ABCA13: variants seen among roughly 807,000 people sequenced by gnomAD.
ABCA13 encodes ATP-binding cassette sub-family A member 13.
ABCA13 carries 476 observed loss-of-function variants against 478.7 expected under a neutral mutation model. The ratio of observed to expected loss-of-function variants is 0.99; its 90% CI spans 0.92 to 1.07. ABCA13 has a LOEUF of 1.07. Among genes scored for constraint, ABCA13 ranks in the 50% least tolerant of loss-of-function variants. The pLI is 0.00. For synonymous variants in ABCA13, 2,252 were observed against 2,158.9 expected (o/e 1.04, Z -1.20); for missense variants, 6,060 against 5,910.6 (o/e 1.03, Z -0.83).
chr7:48,276,403 A>C lies in ABCA13; in HGVS notation c.6737A>C (p.Gln2246Pro). 1 of 1,558,954 alleles carries C rather than the reference A, an allele frequency of 6.4e-7. No individual in the cohort carries two copies. Among genetic ancestry groups the C allele is most frequent in the Non-Finnish European group, 8.7e-7 (1 of 1,154,264 alleles). The change falls in exon 17 of 62, where the codon CAG (glutamine) becomes CCG (proline). Residue 2246 changes from glutamine (Q) to proline (P), a missense_variant. This residue lies in a region of ABCA13 where 4,423 missense variants were observed against 4,309.1 expected (regional missense o/e 1.03). Transcript: ENST00000435803. ...NFINLILNHM[Q>P]SETSRKTVLS... ...ATTAACCTTATCTTGAACCATATGC[A>C]GTCAGAAACTAGTAGGAAAACAGTT...
chr7:48,273,007 C>T lies in ABCA13; in HGVS notation c.3341C>T (p.Thr1114Ile), dbSNP rs765406203. 3.7e-6 allele frequency: 6 copies of T among 1,613,606 alleles called. No homozygotes were observed. The Admixed American group carries it at 8.3e-5, about 22-fold the overall frequency. Residue 1114 changes from threonine (T) to isoleucine (I), a missense_variant, in exon 17 of 62, where the codon ACA (threonine) becomes ATA (isoleucine). Physicochemically the swap from Thr to Ile is moderately conservative, Grantham distance 89 (BLOSUM62 -1). Around this residue, in one of 3 missense-constraint regions of ABCA13, gnomAD observed 4,423 missense variants for 4,309.1 expected, o/e 1.03. Coordinates refer to ENST00000435803, the MANE Select transcript of ABCA13 (RefSeq NM_152701.5). ...CACATTTCTTCCGTAAATTATTCAA[C>T]AAGTGAGGAGTCTTCATTTGTTTTT... ...NKHISSVNYSTSEESSFVFPL... is the reference protein window; with the variant it reads ...NKHISSVNYSISEESSFVFPL...
chr7:48,231,914 G>A lies in ABCA13; in HGVS notation c.763+1959G>A, dbSNP rs908738430. Among the ~76,000 whole-genome samples, 5 of 151,950 alleles carry A rather than the reference G, an allele frequency of 3.3e-5. No homozygotes were observed. In the South Asian group the frequency reaches 6.2e-4, roughly 19 times the overall value. On this transcript the variant is annotated intron_variant, in intron 7 of 61. Coordinates refer to ENST00000435803, the MANE Select transcript of ABCA13 (RefSeq NM_152701.5). ...TGACCTCAGGTGATCTGCCCTCCTC[G>A]GCCTCCCAAAGTGCTGGGATTACAG...
Position 48,279,169 on chromosome 7 carries a change from T to A in ABCA13, c.7975T>A (p.Phe2659Ile), listed in dbSNP as rs912980835. 11 of 1,601,966 alleles carry A rather than the reference T, an allele frequency of 6.9e-6. No homozygotes were observed. Among genetic ancestry groups the A allele is most frequent in the Non-Finnish European group, 9.4e-6 (11 of 1,174,330 alleles). The part of the protein sequence containing the change: ...LEDMRSLAVA[F>I]NNETQTFSMD... Reference sequence around the variant, plus strand: ...AGATATGAGGAGTCTTGCGGTAGCATTTAACAATGAGACTCAAACATTTTC... The same window carrying A: ...AGATATGAGGAGTCTTGCGGTAGCAATTAACAATGAGACTCAAACATTTTC... Residue 2659 changes from phenylalanine (F) to isoleucine (I), a missense_variant, in exon 18 of 62, where the codon TTT (phenylalanine) becomes ATT (isoleucine). By Grantham distance (21) the Phe-to-Ile change is conservative. Coordinates refer to ENST00000435803, the MANE Select transcript of ABCA13 (RefSeq NM_152701.5).
In ABCA13 at chr7:48,466,947, G is replaced by T; in HGVS notation, c.12816-9G>T. On this transcript the variant is annotated splice_polypyrimidine_tract_variant and intron_variant, in intron 43 of 61. Transcript: ENST00000435803. Reference sequence around the variant, plus strand: ...CACTTTGTTTCCTTTGTCTCACAATGAACAGCAGCAGTGGGGGCGACAACT... The same window carrying T: ...CACTTTGTTTCCTTTGTCTCACAATTAACAGCAGCAGTGGGGGCGACAACT... The T allele has an allele frequency of 6.2e-7, 1 of 1,613,830 alleles. No homozygotes were observed. The highest frequency in any genetic ancestry group is 8.5e-7 in the Non-Finnish European group (1 of 1,179,776).
intron 15 of ABCA13, 78 bp from the exon 16 acceptor site, chr7:48,268,902 C>T: frequency 2.4e-6 from 1 of 412,934 alleles, no homozygotes; most frequent in Non-Finnish European, 4.5e-6. Context: ...AGGTGAACTA[C>T]TCTAGCATTT....
chr7:48,528,302 G>C lies in ABCA13; in HGVS notation c.14311G>C (p.Val4771Leu), dbSNP rs1337853864. ...STTFKMLNGE[V>L]SLTSGHAIIR... ...GACTTTCAAAATGCTGAATGGTGAA[G>C]TTTCTCTAACTTCAGGACATGCTAT... Residue 4771 changes from valine (V) to leucine (L), a missense_variant, in exon 55 of 62, where the codon GTT becomes CTT. This residue lies in a region of ABCA13 where 1,627 missense variants were observed against 1,571.0 expected (regional missense o/e 1.04). Transcript: ENST00000435803. 1.3e-6 allele frequency: 2 copies of C among 1,575,880 alleles called. No homozygotes were observed. The highest frequency in any genetic ancestry group is 2.7e-5 in the African/African-American group (2 of 74,370).
At chr7:48,209,769 G>C (rs1034142519) in intron 3 of ABCA13, among the ~76,000 whole-genome samples, 1 of 152,084 alleles carries the variant, frequency 6.6e-6, no homozygotes, top group Admixed American at 6.6e-5. Context: ...TCGATGTATT[G>C]ATATATAGTT....
chr7:48,377,332 T>C (rs1813656359), intron 35 of ABCA13, among the ~76,000 whole-genome samples: 1 of 152,240 alleles, frequency 6.6e-6, no homozygotes, highest in Non-Finnish European at 1.5e-5. Flanking sequence ...ATTTTATTTT[T>C]TAGAGATAAC....
chr7:48,374,069 T>A (rs930567002), intron 33 of ABCA13, among the ~76,000 whole-genome samples: 7 of 152,250 alleles, frequency 4.6e-5, no homozygotes, highest in Non-Finnish European at 8.8e-5. Context: ...CATTTCTGTG[T>A]ATGATACATT....
intron 27 of ABCA13, among the ~76,000 whole-genome samples, chr7:48,334,087 A>G (rs945820369): frequency 5.9e-5 from 9 of 152,074 alleles, no homozygotes; most frequent in Non-Finnish European, 1.2e-4. Flanking sequence ...AATGTTAGAA[A>G]TGTGAGGTAT....
rs556295296 is a variant in ABCA13 at position 48,446,700 on chromosome 7, G to C, written c.12566-8337G>C. Among the ~76,000 whole-genome samples the C allele has an allele frequency of 4.4e-5, 6 of 137,168 alleles. No individual in the cohort carries two copies. The East Asian group carries it at 1.4e-3, about 32-fold the overall frequency. 90.0% of individuals were successfully genotyped at this position (137,168 alleles called of 152,430 possible). A position where few individuals can be genotyped will look rare whatever the true frequency, so the allele number is the denominator to read the frequency against. On this transcript the variant is annotated intron_variant, in intron 42 of 61. Transcript: ENST00000435803. ...GAGGGCTGTTCCAAATTTTTTGGGT[G>C]TCTCCAGGCTTAACCATGATGCTAA...
chr7:48,568,857 T>C (rs1028692017), intron 55 of ABCA13, among the ~76,000 whole-genome samples: 1 of 151,982 alleles, frequency 6.6e-6, no homozygotes, highest in Admixed American at 6.6e-5. Flanking sequence ...TTGGTCACTT[T>C]CAGTATTTTC....
In ABCA13 at chr7:48,528,243, G is replaced by A; in HGVS notation, c.14252G>A (p.Gly4751Glu). 6.4e-7 allele frequency: 1 copy of A among 1,572,198 alleles called. No individual in the cohort carries two copies. Among genetic ancestry groups the A allele is most frequent in the Non-Finnish European group, 8.6e-7 (1 of 1,157,378 alleles). The change falls in exon 55 of 62, where the codon GGA becomes GAA. Residue 4751 changes from glycine to glutamate, a missense_variant. Gly to Glu is a moderately conservative substitution (Grantham distance 98). Around this residue, in one of 3 missense-constraint regions of ABCA13, gnomAD observed 1,627 missense variants for 1,571.0 expected, o/e 1.04. Transcript: ENST00000435803. ...SLGIPKGECFGLLGVNGAGKS... is the reference protein window; with the variant it reads ...SLGIPKGECFELLGVNGAGKS... ...AACTTTGTTTCCTCTTAGTGCTTTG[G>A]ACTTCTAGGGGTGAATGGAGCTGGG...
chr7:48,216,109 C>T (rs1786434085), intron 3 of ABCA13, among the ~76,000 whole-genome samples: 1 of 152,086 alleles, frequency 6.6e-6, no homozygotes, highest in Admixed American at 6.5e-5. Context: ...GTTTTTGTTT[C>T]TCTTGAGTAT....
chr7:48,635,240 C>T (rs1301479703), intron 59 of ABCA13, among the ~76,000 whole-genome samples: 2 of 145,600 alleles, frequency 1.4e-5, no homozygotes, highest in Non-Finnish European at 3.0e-5. Context: ...AAAAAAAAAC[C>T]TAAAAACTAA....
At chr7:48,345,944 C>G (rs1808016340) in intron 29 of ABCA13, among the ~76,000 whole-genome samples, 1 of 152,048 alleles carries the variant, frequency 6.6e-6, no homozygotes, top group African/African-American at 2.4e-5. Context: ...TTTATTATAC[C>G]TTTTCTATGT....
At chr7:48,209,369 A>C (rs1785331884) in intron 3 of ABCA13, among the ~76,000 whole-genome samples, 1 of 152,060 alleles carries the variant, frequency 6.6e-6, no homozygotes, top group African/African-American at 2.4e-5. Flanking sequence ...TCAGGGTAAT[A>C]CTGGCACTGC....
chr7:48,308,968 C>T (rs754236640), intron 23 of ABCA13, among the ~76,000 whole-genome samples: 2 of 145,224 alleles, frequency 1.4e-5, no homozygotes, highest in Non-Finnish European at 3.0e-5. Context: ...GATGTTCACA[C>T]AATTAAACAA....
intron 2 of ABCA13, among the ~76,000 whole-genome samples, chr7:48,194,423 TG>T (rs1226129968): frequency 2.0e-5 from 3 of 151,994 alleles, no homozygotes; most frequent in Non-Finnish European, 4.4e-5. Flanking sequence ...ATGATATTGA[TG>T]GTGATGATAG....
Sources: gnomAD v4.1 joint callset for allele counts (sites outside exome capture counted in the v4.1 genomes callset) on GRCh38, gnomAD v4.1.1 for gene constraint, gnomAD v4.1.1 regional missense constraint, MANE v1.5 for transcripts, NCBI Gene and HGNC (gene_info 2026-07-23, HGNC 2026-07-21) for gene names.